The following CFAP95 variants were observed in gnomAD, a reference collection of about 807,000 sequenced individuals.
CFAP95 encodes the protein cilia and flagella associated protein 95.
At chr9:69,894,753 G>A in the CFAP95 span, among the ~76,000 whole-genome samples, 1 of 152,168 alleles carries the variant, frequency 6.6e-6, no homozygotes, top group Non-Finnish European at 1.5e-5. Flanking sequence ...TGTAGGCCTT[G>A]ATCTCACTTT....
chr9:69,864,044 C>T, the CFAP95 span, among the ~76,000 whole-genome samples: 4 of 152,018 alleles, frequency 2.6e-5, no homozygotes, highest in Non-Finnish European at 5.9e-5. Flanking sequence ...TGAGGGCTCC[C>T]CAGGAGTACT....
At chr9:69,843,508 T>C in the CFAP95 span, among the ~76,000 whole-genome samples, 47 of 808 alleles carry the variant, frequency 0.058, no homozygotes, top group South Asian at 0.33. Context: ...CCTCCCCCCC[T>C]CCTCCTCCTC....
chr9:69,833,812 G>C, the CFAP95 span, among the ~76,000 whole-genome samples: 1 of 152,148 alleles, frequency 6.6e-6, no homozygotes, highest in Non-Finnish European at 1.5e-5. Flanking sequence ...ATGTACATTT[G>C]TGTAGTTACG....
At chr9:69,839,644 T>C in the CFAP95 span, among the ~76,000 whole-genome samples, 1 of 147,634 alleles carries the variant, frequency 6.8e-6, no homozygotes, top group African/African-American at 2.5e-5. Flanking sequence ...GCCAGGCTGG[T>C]CTGAATTCCT....
At chr9:69,871,683 G>A in the CFAP95 span, among the ~76,000 whole-genome samples, 2 of 152,162 alleles carry the variant, frequency 1.3e-5, no homozygotes, top group African/African-American at 4.8e-5. Context: ...ATTGGAGGGT[G>A]ATGGGGCCAT....
chr9:69,823,312 GGGGACTACAGGTCCCT>G, the CFAP95 span, among the ~76,000 whole-genome samples: 12 of 152,178 alleles, frequency 7.9e-5, no homozygotes, highest in Non-Finnish European at 1.8e-4. Context: ...CTTGACACAT[GGGGACTACAGGTCCCT>G]CCCGATGTGG....
At chr9:69,851,534 A>G in the CFAP95 span, among the ~76,000 whole-genome samples, 2 of 152,122 alleles carry the variant, frequency 1.3e-5, no homozygotes, top group Non-Finnish European at 2.9e-5. Context: ...TTATTTCCCC[A>G]CCTGCTCTGC....
the CFAP95 span, among the ~76,000 whole-genome samples, chr9:69,843,616 TTCTTCTTCTTCTTCCTCC>T: frequency 1.4e-5 from 1 of 70,412 alleles, no homozygotes; most frequent in East Asian, 6.1e-4. Context: ...CTTCTTCTTC[TTCTTCTTCTTCTTCCTCC>T]TCCTCCTCCT....
At chr9:69,823,257 G>GAGA in the CFAP95 span, among the ~76,000 whole-genome samples, 6,944 of 152,182 alleles carry the variant, frequency 0.046, 514 homozygotes, top group African/African-American at 0.16. Flanking sequence ...TCACTATCAT[G>GAGA]ATAGCATGGG....
chr9:69,876,010 C>T, the CFAP95 span, among the ~76,000 whole-genome samples: 992 of 152,140 alleles, frequency 6.5e-3, 12 homozygotes, highest in African/African-American at 0.022. Flanking sequence ...ATCACCAATT[C>T]GCAATAACAT....
the CFAP95 span, among the ~76,000 whole-genome samples, chr9:69,821,734 C>G: frequency 2.0e-5 from 3 of 148,288 alleles, no homozygotes; most frequent in South Asian, 6.4e-4. Flanking sequence ...GGCATGAGCT[C>G]TGTTTACTTT....
chr9:69,829,906 A>G, the CFAP95 span, among the ~76,000 whole-genome samples: 1 of 152,214 alleles, frequency 6.6e-6, no homozygotes, highest in Non-Finnish European at 1.5e-5. Flanking sequence ...TGTACTGGTC[A>G]GAGCTCTTTT....
At chr9:69,899,603 A>G in the CFAP95 span, among the ~76,000 whole-genome samples, 12,130 of 152,296 alleles carry the variant, frequency 0.08, 699 homozygotes, top group Middle Eastern at 0.12. Context: ...CTTGATTGGC[A>G]TCTAGAAACT....
At chr9:69,880,287 G>A in the CFAP95 span, among the ~76,000 whole-genome samples, 16 of 151,882 alleles carry the variant, frequency 1.1e-4, no homozygotes, top group African/African-American at 2.4e-4. Flanking sequence ...TCCCCACTAT[G>A]CCATCCCTTC....
At chr9:69,858,171 A>G in the CFAP95 span, 1 of 551,222 alleles carries the variant, frequency 1.8e-6, no homozygotes, top group Non-Finnish European at 3.2e-6. Flanking sequence ...ATAAAACAGT[A>G]AATCCTCACT....
chr9:69,837,722 G>A, the CFAP95 span, among the ~76,000 whole-genome samples: 1 of 152,160 alleles, frequency 6.6e-6, no homozygotes, highest in African/African-American at 2.4e-5. Flanking sequence ...CTGTGCAGAA[G>A]CTCTTTAGTT....
chr9:69,821,274 A>C, the CFAP95 span, among the ~76,000 whole-genome samples: 1 of 152,136 alleles, frequency 6.6e-6, no homozygotes, highest in Non-Finnish European at 1.5e-5. Flanking sequence ...AAGAAAGAAA[A>C]GGGAAAGAAA....
the CFAP95 span, among the ~76,000 whole-genome samples, chr9:69,823,637 G>A: frequency 1.3e-5 from 2 of 152,196 alleles, no homozygotes; most frequent in African/African-American, 4.8e-5. Flanking sequence ...ACGTGCATTT[G>A]AAGAGACCAC....
the CFAP95 span, among the ~76,000 whole-genome samples, chr9:69,858,912 A>G: frequency 2.0e-5 from 3 of 152,208 alleles, no homozygotes; most frequent in Admixed American, 2.0e-4. Context: ...TTCTAAACAT[A>G]AACTTTCATT....
Sources: gnomAD v4.1 joint callset for allele counts (sites outside exome capture counted in the v4.1 genomes callset) on GRCh38, gnomAD v4.1.1 for gene constraint, MANE v1.5 for transcripts, NCBI Gene and HGNC (gene_info 2026-07-23, HGNC 2026-07-21) for gene names.